The following EGFR variants were observed in gnomAD, a reference collection of about 807,000 sequenced individuals.
The protein encoded by EGFR is epidermal growth factor receptor.
In EGFR, 58 loss-of-function variants were observed where a neutral mutation model predicts 143.0. The ratio of observed to expected loss-of-function variants is 0.41; its 90% CI spans 0.33 to 0.50. EGFR has a LOEUF of 0.50. Among genes scored for constraint, EGFR ranks in the 20% least tolerant of loss-of-function variants. The probability of loss-of-function intolerance (pLI) is 0.39; values close to 1 mark genes in which losing one functional copy is unlikely to be tolerated. For synonymous variants in EGFR, 613 were observed against 594.4 expected (o/e 1.03, Z -0.45); for missense variants, 1,307 against 1,579.0 (o/e 0.83, Z 2.92).
chr7:55,064,937 G>A (rs958170071), intron 1 of EGFR, among the ~76,000 whole-genome samples: 3 of 152,134 alleles, frequency 2.0e-5, no homozygotes, highest in African/African-American at 7.2e-5. Flanking sequence ...CCTGGTCAAG[G>A]TGACAACACT....
chr7:55,100,804 C>T (rs1791767743), intron 1 of EGFR, among the ~76,000 whole-genome samples: 1 of 152,246 alleles, frequency 6.6e-6, no homozygotes, highest in African/African-American at 2.4e-5. Context: ...CACTGTTAGT[C>T]TTGGAGGGCT....
intron 19 of EGFR, among the ~76,000 whole-genome samples, chr7:55,179,561 A>G (rs967735889): frequency 3.3e-5 from 5 of 152,208 alleles, no homozygotes; most frequent in Admixed American, 3.3e-4. Flanking sequence ...GGAGGACCAG[A>G]GGCTGGAGGG....
rs538820846 is a variant in EGFR at position 55,187,023 on chromosome 7, G to A, written c.2470-4696G>A. 1.6e-4 allele frequency among the ~76,000 whole-genome samples: 25 copies of A among 152,334 alleles called. No individual in the cohort carries two copies. In the South Asian group the frequency reaches 3.5e-3, roughly 21 times the overall value. On this transcript the variant is annotated intron_variant, in intron 20 of 27. Coordinates refer to ENST00000275493, the MANE Select transcript of EGFR (RefSeq NM_005228.5). ...TCCTTTCCCTGTCCAGGAGGCCTCT[G>A]TGGGTGAGAGTTGGCTGCGGACAGG...
At chr7:55,202,443 C>A in intron 26 of EGFR, 74 bp from the exon 27 acceptor site, 1 of 1,269,134 alleles carries the variant, frequency 7.9e-7, no homozygotes, top group Non-Finnish European at 1.1e-6. Flanking sequence ...TCAAGGAGAT[C>A]TCGGGTGATT....
In EGFR at chr7:55,126,423, A is replaced by C. The variant is rs537335348; in HGVS notation, c.89-15863A>C. Among the ~76,000 whole-genome samples, 4 of 152,316 alleles carry C rather than the reference A, an allele frequency of 2.6e-5. No homozygotes were observed. In the South Asian group the frequency reaches 8.3e-4, roughly 32 times the overall value. ...TAATCCTTGCAACAATCCACGAGGGAGGCATTCTTCTACTCCCACTTAACA... is the reference window on the plus strand; with the variant it reads ...TAATCCTTGCAACAATCCACGAGGGCGGCATTCTTCTACTCCCACTTAACA... On this transcript the variant is annotated intron_variant, in intron 1 of 27. Transcript: ENST00000275493.
rs1279308129 is a variant in EGFR at position 55,019,100 on chromosome 7, G to T, written c.-178G>T. 12 of 333,078 alleles carry T rather than the reference G, an allele frequency of 3.6e-5. No individual in the cohort carries two copies. The Admixed American group carries it at 5.1e-4, about 14-fold the overall frequency. 20.6% of individuals were successfully genotyped at this position (333,078 alleles called of 1,614,324 possible). A position where few individuals can be genotyped will look rare whatever the true frequency, so the allele number is the denominator to read the frequency against. On this transcript the variant is annotated 5_prime_UTR_variant, in exon 1 of 28. Coordinates refer to ENST00000275493, the MANE Select transcript of EGFR (RefSeq NM_005228.5). ...TGTGAGCGCCCGACGCGGCCGAGGC[G>T]GCCGGAGTCCCGAGCTAGCCCCGGC...
In EGFR at chr7:55,160,243, A is replaced by G; in HGVS notation, c.1403A>G (p.Asn468Ser). Residue 468 changes from asparagine (N) to serine (S), a missense_variant, in exon 12 of 28, where the codon AAT becomes AGT. Around this residue, in one of 7 missense-constraint regions of EGFR, gnomAD observed 250 missense variants for 295.1 expected, o/e 0.85. Transcript: ENST00000275493. ...GATGTGATAATTTCAGGAAACAAAA[A>G]TTTGTGCTATGCAAATACAATAAAC... ...DGDVIISGNKNLCYANTINWK... is the reference protein window; with the variant it reads ...DGDVIISGNKSLCYANTINWK... The G allele has an allele frequency of 6.2e-7, 1 of 1,614,192 alleles. No homozygotes were observed. The highest frequency in any genetic ancestry group is 8.5e-7 in the Non-Finnish European group (1 of 1,180,026).
At chr7:55,051,528 C>T (rs951696532) in intron 1 of EGFR, among the ~76,000 whole-genome samples, 27 of 152,244 alleles carry the variant, frequency 1.8e-4, no homozygotes, top group African/African-American at 6.3e-4. Flanking sequence ...AGAAGACCCT[C>T]CCCAGATGCT....
At chr7:55,203,610 T>A (rs540441362) in intron 27 of EGFR, among the ~76,000 whole-genome samples, 1 of 108,684 alleles carries the variant, frequency 9.2e-6, no homozygotes, top group Non-Finnish European at 1.8e-5. Context: ...CGCACACACA[T>A]ACAAACATAT....
Position 55,209,995 on chromosome 7 carries a change from A to G in EGFR, c.*4378A>G. The G allele has an allele frequency of 6.6e-6, 1 of 152,316 alleles. No homozygotes were observed. The allele number at this position is 152,316 out of a possible 1,614,324, so 9.4% of individuals were successfully genotyped here. On this transcript the variant is annotated 3_prime_UTR_variant, in exon 28 of 28. Transcript: ENST00000275493. Reference sequence around the variant, plus strand: ...AGCTAGGTCATTGTCATGGTGAAGAAGAGAAGCATCGTTTTTATATTTAGG... The same window carrying G: ...AGCTAGGTCATTGTCATGGTGAAGAGGAGAAGCATCGTTTTTATATTTAGG...
At chr7:55,202,127 A>C (rs1201494073) in intron 26 of EGFR, among the ~76,000 whole-genome samples, 1 of 152,214 alleles carries the variant, frequency 6.6e-6, no homozygotes, top group Non-Finnish European at 1.5e-5. Context: ...TCTAGACCGC[A>C]CTGTGCCATG....
intron 15 of EGFR, among the ~76,000 whole-genome samples, chr7:55,167,251 A>C: frequency 1.1e-4 from 2 of 17,908 alleles, no homozygotes; most frequent in South Asian, 2.9e-3. Context: ...GGGAGTCACA[A>C]TGGTGGTGGT....
chr7:55,037,069 T>G (rs1325653955), intron 1 of EGFR, among the ~76,000 whole-genome samples: 1 of 152,214 alleles, frequency 6.6e-6, no homozygotes, highest in Non-Finnish European at 1.5e-5. Flanking sequence ...GCCTCCCAGC[T>G]CACCGAGCAT....
intron 7 of EGFR, 120 bp downstream of exon 7, chr7:55,154,272 G>A (rs2128935455): frequency 6.7e-7 from 1 of 1,487,310 alleles, no homozygotes; most frequent in South Asian, 1.2e-5. Context: ...TGCCTTGCTT[G>A]GAGGAGGCGA....
intron 1 of EGFR, among the ~76,000 whole-genome samples, chr7:55,134,583 A>G (rs1794034358): frequency 6.6e-6 from 1 of 152,262 alleles, no homozygotes; most frequent in African/African-American, 2.4e-5. Context: ...TGAATACATA[A>G]CAGATCAACG....
rs985932184 is a variant in EGFR, at chr7:55,207,825, G to A, written c.*2208G>A. On this transcript the variant is annotated 3_prime_UTR_variant, in exon 28 of 28. Transcript: ENST00000275493. ...TATCATCTCTGCACATGCTTAGTGA[G>A]AAGACTACACAACATTTCTAAGAAT... 2 of 152,276 alleles carry A rather than the reference G, an allele frequency of 1.3e-5. No individual in the cohort carries two copies. The highest frequency in any genetic ancestry group is 4.8e-5 in the African/African-American group (2 of 41,466). The allele number at this position is 152,276 out of a possible 1,614,324, so 9.4% of individuals were successfully genotyped here. A position where few individuals can be genotyped will look rare whatever the true frequency, so the allele number is the denominator to read the frequency against.
intron 12 of EGFR, 70 bp from the exon 13 acceptor site, chr7:55,161,429 G>A (rs574560808): frequency 6.4e-7 from 1 of 1,555,598 alleles, no homozygotes; most frequent in Non-Finnish European, 8.6e-7. Flanking sequence ...TCCCGGGAAG[G>A]TGCCGTCTCC....
At chr7:55,158,021 T>C (rs1785515633) in intron 11 of EGFR, among the ~76,000 whole-genome samples, 1 of 152,232 alleles carries the variant, frequency 6.6e-6, no homozygotes, top group African/African-American at 2.4e-5. Context: ...AGTTGTCAAA[T>C]CTTTTCAGTC....
At position 55,110,496 on chromosome 7, in the gene EGFR, C is replaced by T. The variant is rs532071736; in HGVS notation, c.89-31790C>T. ...GAGGCTGGGCAAAGCCCCCAATTTT[C>T]GTTGGCACTGACCCCGATGATTTAT... is the stretch of plus-strand genomic sequence containing the variant. On this transcript the variant is annotated intron_variant, in intron 1 of 27. Coordinates refer to ENST00000275493, the MANE Select transcript of EGFR (RefSeq NM_005228.5). Among the ~76,000 whole-genome samples, 20 of 152,356 alleles carry T rather than the reference C, an allele frequency of 1.3e-4. No individual in the cohort carries two copies. In the South Asian group the frequency reaches 1.9e-3, roughly 14 times the overall value.
Sources: allele counts gnomAD v4.1 joint callset (sites outside exome capture counted in the v4.1 genomes callset), GRCh38; gene constraint gnomAD v4.1.1; regional missense constraint gnomAD v4.1.1; transcripts MANE v1.5; gene names NCBI Gene and HGNC (gene_info 2026-07-23, HGNC 2026-07-21).